Variants in CNTLN observed in about 807,000 individuals in gnomAD.
CNTLN encodes the protein centlein.
CNTLN carries 212 observed loss-of-function variants against 180.0 expected under a neutral mutation model. The observed-to-expected ratio is 1.18, with a 90% CI of 1.05 to 1.32. The LOEUF (loss-of-function observed/expected upper bound fraction) is 1.32. Ranked by LOEUF, CNTLN falls within the 40% of genes most tolerant of loss-of-function variation. The pLI is 0.00. For synonymous variants in CNTLN, 722 were observed against 563.1 expected, an observed-to-expected ratio of 1.28 and a Z score of -3.99; for missense variants, 2,095 against 1,610.9, an observed-to-expected ratio of 1.30 and a Z score of -5.14.
chr9:17,144,216 T>G (rs1235952466), intron 2 of CNTLN, among the ~76,000 whole-genome samples: 1 of 152,240 alleles, frequency 6.6e-6, no homozygotes, highest in Non-Finnish European at 1.5e-5. Flanking sequence ...GATACATGCC[T>G]GAGTATGTCT....
chr9:17,278,606 T>C (rs1459953687), intron 6 of CNTLN, among the ~76,000 whole-genome samples: 1 of 152,190 alleles, frequency 6.6e-6, no homozygotes, highest in Admixed American at 6.5e-5. Flanking sequence ...GATTTTTCTT[T>C]TACTGCATAT....
chr9:17,338,355 T>TTTTTTTTTG (rs1554691993), intron 10 of CNTLN, among the ~76,000 whole-genome samples: 1 of 147,488 alleles, frequency 6.8e-6, no homozygotes, highest in Admixed American at 6.8e-5. Context: ...TTTTTTTTTT[T>TTTTTTTTTG]AGAGATGGGG....
chr9:17,521,411 A>T, the CNTLN span, among the ~76,000 whole-genome samples: 1 of 152,224 alleles, frequency 6.6e-6, no homozygotes, highest in Non-Finnish European at 1.5e-5. Flanking sequence ...AGCTGAACAG[A>T]AATGTGATTT....
intron 2 of CNTLN, among the ~76,000 whole-genome samples, chr9:17,221,452 T>C (rs921132555): frequency 5.3e-5 from 8 of 152,076 alleles, no homozygotes; most frequent in Admixed American, 3.9e-4. Context: ...CAATTATGTA[T>C]TAAATGTACT....
intron 2 of CNTLN, among the ~76,000 whole-genome samples, chr9:17,213,990 G>A (rs909291697): frequency 2.0e-4 from 30 of 151,996 alleles, no homozygotes; most frequent in Non-Finnish European, 3.5e-4. Flanking sequence ...CACACTGATG[G>A]GTCTTGACTC....
At chr9:17,367,197 A>G (rs1210214941) in intron 13 of CNTLN, among the ~76,000 whole-genome samples, 1 of 152,194 alleles carries the variant, frequency 6.6e-6, no homozygotes, top group African/African-American at 2.4e-5. Flanking sequence ...GGGAGGGAGA[A>G]TGCAGTGACT....
chr9:17,290,865 G>A (rs1029965323), intron 6 of CNTLN, among the ~76,000 whole-genome samples: 1 of 152,292 alleles, frequency 6.6e-6, no homozygotes, highest in South Asian at 2.1e-4. Flanking sequence ...CCCTGCTTCG[G>A]CTCGCGCATG....
chr9:17,477,970 C>T (rs2442000), intron 23 of CNTLN, among the ~76,000 whole-genome samples: 29,046 of 152,044 alleles, frequency 0.19, 4,951 homozygotes, highest in African/African-American at 0.47. Context: ...GCAAGTTTCA[C>T]TGTTGTCTTA....
At chr9:17,393,460 T>A (rs115532984) in intron 14 of CNTLN, among the ~76,000 whole-genome samples, 249 of 152,310 alleles carry the variant, frequency 1.6e-3, no homozygotes, top group African/African-American at 5.7e-3. Flanking sequence ...TCATTTTCCA[T>A]ACACGTCTGA....
At chr9:17,430,362 A>G (rs899681977) in intron 18 of CNTLN, among the ~76,000 whole-genome samples, 3 of 151,978 alleles carry the variant, frequency 2.0e-5, no homozygotes, top group Non-Finnish European at 1.5e-5. Context: ...TTTAAATCAT[A>G]CTATTTGAAA....
intron 15 of CNTLN, among the ~76,000 whole-genome samples, chr9:17,403,624 G>T (rs1279377998): frequency 6.6e-6 from 1 of 150,788 alleles, no homozygotes; most frequent in Non-Finnish European, 1.5e-5. Context: ...ACCATTCTTA[G>T]ATTTACAAAA....
chr9:17,157,866 A>G (rs1296335220), intron 2 of CNTLN, among the ~76,000 whole-genome samples: 1 of 152,222 alleles, frequency 6.6e-6, no homozygotes, highest in Non-Finnish European at 1.5e-5. Context: ...GGTTGTCCAC[A>G]TGGGTAGCTG....
At chr9:17,208,483 G>C (rs1417446896) in intron 2 of CNTLN, among the ~76,000 whole-genome samples, 1 of 152,116 alleles carries the variant, frequency 6.6e-6, no homozygotes, top group African/African-American at 2.4e-5. Flanking sequence ...GACTAGCCTT[G>C]TTGAATGAAT....
intron 2 of CNTLN, among the ~76,000 whole-genome samples, chr9:17,156,501 T>C (rs951756663): frequency 1.3e-5 from 2 of 152,172 alleles, no homozygotes; most frequent in Admixed American, 6.5e-5. Context: ...TCCATCTTTC[T>C]CTTACTCTTT....
intron 8 of CNTLN, among the ~76,000 whole-genome samples, chr9:17,329,719 G>A (rs1182747558): frequency 2.0e-5 from 3 of 151,562 alleles, no homozygotes; most frequent in Non-Finnish European, 4.4e-5. Flanking sequence ...GTTCAAAAAA[G>A]TTAACCGTAT....
intron 5 of CNTLN, among the ~76,000 whole-genome samples, chr9:17,260,541 T>A (rs997226531): frequency 1.7e-4 from 26 of 151,440 alleles, no homozygotes; most frequent in Admixed American, 4.6e-4. Flanking sequence ...CTTAAGTTTC[T>A]TATGGTTTCT....
chr9:17,365,892 G>T (rs1053633862), intron 12 of CNTLN, among the ~76,000 whole-genome samples: 1 of 152,156 alleles, frequency 6.6e-6, no homozygotes, highest in Non-Finnish European at 1.5e-5. Context: ...GCTGCAGTAA[G>T]CCACGATTGT....
chr9:17,375,074 T>C (rs1293251414), intron 13 of CNTLN, among the ~76,000 whole-genome samples: 1 of 152,142 alleles, frequency 6.6e-6, no homozygotes, highest in Non-Finnish European at 1.5e-5. Flanking sequence ...CACACAATGG[T>C]GTACTATTCA....
rs182080361 is a variant in CNTLN at position 17,457,642 on chromosome 9, G to A, written c.3233G>A (p.Arg1078Gln). Residue 1078 changes from arginine (R) to glutamine (Q), a missense_variant, in exon 19 of 26, where the codon CGG becomes CAG. Coordinates refer to ENST00000380647, the MANE Select transcript of CNTLN (RefSeq NM_017738.4). ...AEENSQVTFP[R>Q]IQVTSLSPSR... Reference sequence around the variant, plus strand: ...GAAAATTCCCAGGTAACATTTCCACGGATACAAGTTACATCACTTAGTCCT... The same window carrying A: ...GAAAATTCCCAGGTAACATTTCCACAGATACAAGTTACATCACTTAGTCCT... 74 of 1,549,304 alleles carry A rather than the reference G, an allele frequency of 4.8e-5. No individual in the cohort carries two copies. The highest frequency in any genetic ancestry group is 3.9e-4 in the African/African-American group (28 of 71,862).
Sources: allele counts gnomAD v4.1 joint callset (sites outside exome capture counted in the v4.1 genomes callset), GRCh38; gene constraint gnomAD v4.1.1; transcripts MANE v1.5; gene names NCBI Gene and HGNC (gene_info 2026-07-23, HGNC 2026-07-21).